The following ZSWIM5 variants were observed in gnomAD, a reference collection of about 807,000 sequenced individuals.
The protein encoded by ZSWIM5 is zinc finger SWIM-type containing 5, also known as zinc finger SWIM domain-containing protein 5.
In ZSWIM5, 55 loss-of-function variants were observed where a neutral mutation model predicts 119.6. The observed-to-expected ratio is 0.46, with a 90% confidence interval of 0.37 to 0.58. ZSWIM5 has a LOEUF of 0.58. Among genes scored for constraint, ZSWIM5 ranks in the 20% least tolerant of loss-of-function variants. ZSWIM5 has a pLI of 0.00. For synonymous variants in ZSWIM5, 537 were observed against 606.9 expected (o/e 0.88, Z 1.69); for missense variants, 1,193 against 1,512.8 (o/e 0.79, Z 3.51).
chr1:45,166,527 T>C lies in ZSWIM5; in HGVS notation c.595+39229A>G, dbSNP rs573133942. ...TCAATTAGGAAAAGAGGAAGTCAAA[T>C]TGTCCCTGTTTGCAGACATGACATG... On this transcript the variant is annotated intron_variant, in intron 1 of 13. Transcript: ENST00000359600. Among the ~76,000 whole-genome samples the C allele has an allele frequency of 1.5e-3, 230 of 152,190 alleles. 4 individuals carry two copies. The highest frequency in any genetic ancestry group is 4.6e-3 in the African/African-American group (189 of 41,530).
rs186460547 is a variant in ZSWIM5 at position 45,019,299 on chromosome 1, T to A, written c.2713A>T (p.Ser905Cys). ...AGTGTGTACCAGCTCTGCAAGATGC[T>A]CACCAGGGCCCGCACACCTGTCAGG... is the stretch of plus-strand genomic sequence containing the variant. ...ATEVGVRALVSILQSWYTLFT... is the reference protein window; with the variant it reads ...ATEVGVRALVCILQSWYTLFT... Residue 905 changes from serine (S) to cysteine (C), a missense_variant, in exon 14 of 14, where the codon AGC becomes TGC. This residue lies in a region of ZSWIM5 where 961 missense variants were observed against 1,290.0 expected (regional missense o/e 0.74). Coordinates refer to ENST00000359600, the MANE Select transcript of ZSWIM5 (RefSeq NM_020883.2). This position sits in a 1 kb window ranked among gnomAD's most constrained non-coding sequence, Gnocchi z 5.0. The A allele has an allele frequency of 1.2e-5, 19 of 1,611,420 alleles. No homozygotes were observed. In the African/African-American group the frequency reaches 2.4e-4, roughly 20 times the overall value.
intron 1 of ZSWIM5, among the ~76,000 whole-genome samples, chr1:45,119,407 AT>A (rs1645577932): frequency 6.6e-6 from 1 of 152,204 alleles, no homozygotes; most frequent in Admixed American, 6.5e-5. Flanking sequence ...ACTCGGGCCC[AT>A]CCCTTCAGAC....
intron 1 of ZSWIM5, among the ~76,000 whole-genome samples, chr1:45,182,485 T>G (rs1314436122): frequency 1.3e-5 from 2 of 151,830 alleles, no homozygotes; most frequent in Non-Finnish European, 2.9e-5. Context: ...CCCATCAGTG[T>G]GCTGTATTCA....
At chr1:45,073,651 C>G (rs1448913755) in intron 2 of ZSWIM5, among the ~76,000 whole-genome samples, 2 of 151,738 alleles carry the variant, frequency 1.3e-5, no homozygotes, top group Admixed American at 1.3e-4. Flanking sequence ...TTAGGTTTTT[C>G]CAAATATAAG....
rs1644860240 is a variant in ZSWIM5, at chr1:45,017,345, G to C, written c.*1109C>G. The C allele has an allele frequency of 6.6e-6, 1 of 152,180 alleles. No individual in the cohort carries two copies. The highest frequency in any genetic ancestry group is 1.5e-5 in the Non-Finnish European group (1 of 68,010). 9.4% of individuals were successfully genotyped at this position (152,180 alleles called of 1,614,324 possible). A position where few individuals can be genotyped will look rare whatever the true frequency, so the allele number is the denominator to read the frequency against. On this transcript the variant is annotated 3_prime_UTR_variant, in exon 14 of 14. Coordinates refer to ENST00000359600, the MANE Select transcript of ZSWIM5 (RefSeq NM_020883.2). ...AACATGTTTATACACATGCACTCGT[G>C]TACGCAGATACACATACTAAACATG...
chr1:45,081,652 G>T (rs1450914963), intron 2 of ZSWIM5, among the ~76,000 whole-genome samples: 1 of 152,176 alleles, frequency 6.6e-6, no homozygotes, highest in Non-Finnish European at 1.5e-5. Flanking sequence ...GCGTGATCTC[G>T]GCTTGCTACA....
At chr1:45,070,453 TC>T in intron 2 of ZSWIM5, 1 of 1,168,034 alleles carries the variant, frequency 8.6e-7, no homozygotes. Flanking sequence ...AGGGCTGTTC[TC>T]CATAGGAATT....
intron 10 of ZSWIM5, 138 bp from the exon 11 acceptor site, chr1:45,034,607 A>G (rs1256884977): frequency 9.9e-7 from 1 of 1,006,262 alleles, no homozygotes. Context: ...TTTTAAACCT[A>G]TGGTACTATA....
intron 8 of ZSWIM5, 105 bp from the exon 9 acceptor site, chr1:45,036,404 GAGTAC>G (rs1644984945): frequency 6.8e-7 from 1 of 1,460,696 alleles, no homozygotes; most frequent in African/African-American, 1.4e-5. Context: ...GTCCAGGCTG[GAGTAC>G]AGTGGTGCAA....
intron 4 of ZSWIM5, among the ~76,000 whole-genome samples, chr1:45,054,214 T>G (rs945794519): frequency 1.3e-5 from 2 of 150,694 alleles, no homozygotes; most frequent in Non-Finnish European, 3.0e-5. Flanking sequence ...GGAGTTTGAG[T>G]TGCAGTGAGT....
At chr1:45,028,513 T>C (rs1043078705) in intron 11 of ZSWIM5, among the ~76,000 whole-genome samples, 5 of 152,132 alleles carry the variant, frequency 3.3e-5, no homozygotes, top group African/African-American at 1.2e-4. Flanking sequence ...CCCAGCACTT[T>C]GGGAGGCTGA....
At chr1:45,171,872 A>T (rs1645947920) in intron 1 of ZSWIM5, among the ~76,000 whole-genome samples, 2 of 152,106 alleles carry the variant, frequency 1.3e-5, no homozygotes, top group Non-Finnish European at 2.9e-5. Context: ...TTTTAGCAAA[A>T]TTTTTAGATA....
At chr1:45,146,431 C>CTTTTTTTTTTTTTT (rs35073818) in intron 1 of ZSWIM5, among the ~76,000 whole-genome samples, 2 of 45,882 alleles carry the variant, frequency 4.4e-5, no homozygotes, top group African/African-American at 2.2e-4. Context: ...TGTTTCTAGA[C>CTTTTTTTTTTTTTT]TTTTTTTTTT....
chr1:45,096,833 G>A (rs984985412), intron 1 of ZSWIM5, among the ~76,000 whole-genome samples: 1 of 152,068 alleles, frequency 6.6e-6, no homozygotes, highest in Non-Finnish European at 1.5e-5. Context: ...TATCACACTG[G>A]CTGTGACATC....
chr1:45,097,476 G>C (rs551498612), intron 1 of ZSWIM5, among the ~76,000 whole-genome samples: 2 of 152,166 alleles, frequency 1.3e-5, no homozygotes, highest in Non-Finnish European at 2.9e-5. Flanking sequence ...TTATATGAGT[G>C]AGATTTTACT....
chr1:45,093,200 T>C (rs1645378412), intron 1 of ZSWIM5, among the ~76,000 whole-genome samples: 1 of 152,130 alleles, frequency 6.6e-6, no homozygotes, highest in Non-Finnish European at 1.5e-5. Flanking sequence ...AATACCACAT[T>C]TAACTAATGG....
chr1:45,150,723 C>T (rs1456481311), intron 1 of ZSWIM5, among the ~76,000 whole-genome samples: 1 of 152,068 alleles, frequency 6.6e-6, no homozygotes, highest in Non-Finnish European at 1.5e-5. Context: ...ACATGTTTGT[C>T]TTGTCGACCA....
At chr1:45,117,341 C>T (rs1645564344) in intron 1 of ZSWIM5, among the ~76,000 whole-genome samples, 1 of 151,702 alleles carries the variant, frequency 6.6e-6, no homozygotes, top group African/African-American at 2.4e-5. Context: ...CTATATAACT[C>T]TCCCTGGTTA....
intron 1 of ZSWIM5, among the ~76,000 whole-genome samples, chr1:45,183,405 G>A (rs1324044664): frequency 1.3e-5 from 2 of 152,098 alleles, no homozygotes; most frequent in Non-Finnish European, 2.9e-5. Flanking sequence ...AATCAGAGCA[G>A]ACCTGAAGGA....
Sources: allele counts gnomAD v4.1 joint callset (sites outside exome capture counted in the v4.1 genomes callset), GRCh38; gene constraint gnomAD v4.1.1; regional missense constraint gnomAD v4.1.1; non-coding constraint Gnocchi (gnomAD v3.1); transcripts MANE v1.5; gene names NCBI Gene and HGNC (gene_info 2026-07-23, HGNC 2026-07-21).